Variants in ZFAND6 observed in about 807,000 individuals in gnomAD.
ZFAND6 encodes AN1-type zinc finger protein 6.
A neutral mutation model predicts 24.5 loss-of-function variants in ZFAND6; 12 were observed. That is an observed-to-expected ratio of 0.49 (90% confidence interval 0.31 to 0.79). The LOEUF (loss-of-function observed/expected upper bound fraction) is 0.79, where lower values mean the gene tolerates loss of function less well. Ranked by LOEUF, ZFAND6 falls within the 30% of genes least tolerant of loss-of-function variation. ZFAND6 has a pLI of 0.04. For synonymous variants in ZFAND6, 92 were observed against 81.5 expected (o/e 1.13, Z -0.69); for missense variants, 207 against 245.9 (o/e 0.84, Z 1.06).
In ZFAND6 at chr15:80,104,770, T is replaced by G. The variant is rs186322601; in HGVS notation, c.-18+6192T>G. On this transcript the variant is annotated intron_variant, in intron 2 of 6. Coordinates refer to ENST00000261749, the MANE Select transcript of ZFAND6 (RefSeq NM_019006.4). ...AGAATAGAGTTGAATGGCTTCCAAT[T>G]AGCAAATAGGCCTTTATGGGCATAC... 4.3e-4 allele frequency among the ~76,000 whole-genome samples: 65 copies of G among 152,292 alleles called. No homozygotes were observed. The East Asian group carries it at 0.012, about 27-fold the overall frequency.
In ZFAND6 at chr15:80,137,601, T is replaced by A; in HGVS notation, c.600T>A (p.Val200=). The A allele has an allele frequency of 1.9e-6, 3 of 1,598,684 alleles. No homozygotes were observed. The highest frequency in any genetic ancestry group is 1.1e-5 in the South Asian group (1 of 88,000). The change falls in exon 7 of 7, where the codon GTT becomes GTA. Residue 200 remains valine (V), a synonymous_variant. Transcript: ENST00000261749. ...AAATCAGAAAAGAAAATCCAGTAGT[T>A]GTTGGTGAAAAGATCCAAAAGATTT... The part of the protein sequence containing the change: ...AEKIRKENPV[V]VGEKIQKI
At chr15:80,064,993 T>A (rs2036535985) in intron 1 of ZFAND6, among the ~76,000 whole-genome samples, 1 of 116,746 alleles carries the variant, frequency 8.6e-6, no homozygotes, top group African/African-American at 3.1e-5. Context: ...TTGCTCTCTC[T>A]CTCTCCCCCT....
At chr15:80,066,637 A>G (rs1460081362) in intron 1 of ZFAND6, among the ~76,000 whole-genome samples, 4 of 152,010 alleles carry the variant, frequency 2.6e-5, no homozygotes, top group Non-Finnish European at 4.4e-5. Flanking sequence ...TTTTTGGGAA[A>G]ATATTTTGTG....
rs1466548600 is a variant in ZFAND6 at position 80,137,444 on chromosome 15, C to T, written c.479-36C>T. 3 of 1,574,374 alleles carry T rather than the reference C, an allele frequency of 1.9e-6. No homozygotes were observed. The South Asian group carries it at 3.7e-5, about 19-fold the overall frequency. On this transcript the variant is annotated intron_variant, in intron 6 of 6. Coordinates refer to ENST00000261749, the MANE Select transcript of ZFAND6 (RefSeq NM_019006.4). The stretch of plus-strand genomic sequence containing the variant: ...TATGCCAAAGACCTTAATATTTCAT[C>T]CTTCAACTCATGTATGTGTATTACT...
intron 1 of ZFAND6, among the ~76,000 whole-genome samples, chr15:80,071,594 A>G (rs1308989117): frequency 6.6e-6 from 1 of 152,114 alleles, no homozygotes; most frequent in Non-Finnish European, 1.5e-5. Flanking sequence ...TTGCTTAAAA[A>G]TCAGAGTTCC....
intron 4 of ZFAND6, 77 bp downstream of exon 4, chr15:80,121,897 A>C: frequency 8.3e-7 from 1 of 1,203,960 alleles, no homozygotes; most frequent in East Asian, 2.7e-5. Context: ...ATTAATAAGG[A>C]AAACTACGTA....
At chr15:80,124,236 A>G (rs957227652) in intron 5 of ZFAND6, among the ~76,000 whole-genome samples, 5 of 152,308 alleles carry the variant, frequency 3.3e-5, no homozygotes, top group South Asian at 2.1e-4. Flanking sequence ...GATCGAGACC[A>G]TCCTGGCTAA....
chr15:80,102,753 T>C (rs543236789), intron 2 of ZFAND6, among the ~76,000 whole-genome samples: 2 of 152,182 alleles, frequency 1.3e-5, no homozygotes, highest in Non-Finnish European at 2.9e-5. Context: ...ACTTTTACTT[T>C]GTGCTTAGAA....
At chr15:80,068,135 TTTTTTTTGTTTG>T (rs1474547354) in intron 1 of ZFAND6, among the ~76,000 whole-genome samples, 6 of 148,466 alleles carry the variant, frequency 4.0e-5, no homozygotes, top group Non-Finnish European at 9.0e-5. Context: ...CCTGTTTTTT[TTTTTTTTGTTTG>T]TTTGTTTGTT....
chr15:80,129,058 G>A (rs2040486125), intron 5 of ZFAND6, among the ~76,000 whole-genome samples: 1 of 152,142 alleles, frequency 6.6e-6, no homozygotes. Context: ...AATAAATACT[G>A]TAGGTTCATT....
At chr15:80,122,048 C>T (rs1347475329) in intron 4 of ZFAND6, among the ~76,000 whole-genome samples, 15 of 151,964 alleles carry the variant, frequency 9.9e-5, no homozygotes, top group Admixed American at 9.2e-4. Flanking sequence ...CTTTTTCTTT[C>T]TCATAATATA....
At chr15:80,133,630 AAG>A (rs2040722166) in intron 6 of ZFAND6, among the ~76,000 whole-genome samples, 1 of 152,204 alleles carries the variant, frequency 6.6e-6, no homozygotes, top group Non-Finnish European at 1.5e-5. Flanking sequence ...TTGTTGGAGA[AAG>A]AGTATCTGCC....
intron 2 of ZFAND6, chr15:80,112,783 TC>T (rs780895247): frequency 6.8e-5 from 31 of 455,922 alleles, no homozygotes; most frequent in Non-Finnish European, 1.3e-4. Flanking sequence ...TAGTTGGAGA[TC>T]CAAAGGCTCA....
At chr15:80,098,776 T>TATAGTTATAAATG (rs2038874192) in intron 2 of ZFAND6, among the ~76,000 whole-genome samples, 198 bp downstream of exon 2, 1 of 152,106 alleles carries the variant, frequency 6.6e-6, no homozygotes, top group Non-Finnish European at 1.5e-5. Flanking sequence ...GCAATAACAT[T>TATAGTTATAAATG]TATAACTAAT....
intron 1 of ZFAND6, among the ~76,000 whole-genome samples, chr15:80,071,385 A>AT (rs1267179729): frequency 1.3e-5 from 2 of 152,140 alleles, no homozygotes; most frequent in Non-Finnish European, 2.9e-5. Flanking sequence ...GAATCACAGG[A>AT]TTTTTGGTAG....
chr15:80,068,225 G>A (rs2036771361), intron 1 of ZFAND6, among the ~76,000 whole-genome samples: 1 of 151,722 alleles, frequency 6.6e-6, no homozygotes, highest in African/African-American at 2.4e-5. Context: ...TTGGCTCACT[G>A]TAGTCTCAAC....
chr15:80,086,014 T>G (rs2037978983), intron 1 of ZFAND6, among the ~76,000 whole-genome samples: 1 of 151,530 alleles, frequency 6.6e-6, no homozygotes, highest in African/African-American at 2.4e-5. Context: ...TGGCAATTCA[T>G]TGGTGAAAAA....
intron 2 of ZFAND6, among the ~76,000 whole-genome samples, chr15:80,105,523 T>G (rs1035573715): frequency 6.6e-6 from 1 of 152,218 alleles, no homozygotes; most frequent in Non-Finnish European, 1.5e-5. Flanking sequence ...AATTCTGAAC[T>G]GAGCTTTATA....
chr15:80,124,958 A>G (rs1042473562), intron 5 of ZFAND6, among the ~76,000 whole-genome samples: 7 of 152,192 alleles, frequency 4.6e-5, no homozygotes, highest in Non-Finnish European at 1.0e-4. Context: ...AAATATAAAC[A>G]TGTATGTTTG....
Sources: gnomAD v4.1 joint callset for allele counts (sites outside exome capture counted in the v4.1 genomes callset) on GRCh38, gnomAD v4.1.1 for gene constraint, MANE v1.5 for transcripts, NCBI Gene and HGNC (gene_info 2026-07-23, HGNC 2026-07-21) for gene names.